Variants in CDH12 observed in about 807,000 individuals in gnomAD.
The protein encoded by CDH12 is cadherin-12.
A neutral mutation model predicts 74.1 loss-of-function variants in CDH12; 41 were observed. That is an observed-to-expected ratio of 0.55 (90% CI 0.43 to 0.72). The LOEUF (loss-of-function observed/expected upper bound fraction) is 0.72, where lower values mean the gene tolerates loss of function less well. Among genes scored for constraint, CDH12 ranks in the 30% least tolerant of loss-of-function variants. CDH12 has a pLI of 0.00. For synonymous variants in CDH12, 399 were observed against 355.0 expected (o/e 1.12, Z -1.39); for missense variants, 945 against 977.2 (o/e 0.97, Z 0.44).
chr5:22,329,361 G>A (rs1307007976), intron 3 of CDH12, among the ~76,000 whole-genome samples: 2 of 152,128 alleles, frequency 1.3e-5, no homozygotes, highest in African/African-American at 2.4e-5. Context: ...AAGCTACAAT[G>A]CTTCTTGAGT....
chr5:21,901,596 T>C (rs1029272565), intron 6 of CDH12, among the ~76,000 whole-genome samples: 14 of 152,196 alleles, frequency 9.2e-5, no homozygotes, highest in Non-Finnish European at 1.8e-4. Context: ...CATAATAAAA[T>C]TCCTGATTCG....
At chr5:22,297,575 C>T (rs1461160208) in intron 3 of CDH12, among the ~76,000 whole-genome samples, 1 of 152,130 alleles carries the variant, frequency 6.6e-6, no homozygotes, top group South Asian at 2.1e-4. Context: ...AAATACTTTC[C>T]TTGTATCTTC....
At chr5:22,744,075 G>A (rs1745169198) in intron 1 of CDH12, among the ~76,000 whole-genome samples, 1 of 152,008 alleles carries the variant, frequency 6.6e-6, no homozygotes, top group South Asian at 2.1e-4. Context: ...TCCTAACACA[G>A]GCATTATAGA....
rs147446542 is a variant in CDH12, at chr5:22,182,439, T to C, written c.-187+30059A>G. Among the ~76,000 whole-genome samples, 593 of 152,308 alleles carry C rather than the reference T, an allele frequency of 3.9e-3. 3 individuals carry two copies. Among genetic ancestry groups the C allele is most frequent in the Non-Finnish European group, 6.2e-3 (425 of 68,020 alleles). ...GAGGATTGCATCAGTGTTACCATTGTTTGTTCAGCACCTAGTTTGGTAGAT... is the reference window on the plus strand; with the variant it reads ...GAGGATTGCATCAGTGTTACCATTGCTTGTTCAGCACCTAGTTTGGTAGAT... On this transcript the variant is annotated intron_variant, in intron 4 of 14. Coordinates refer to ENST00000382254, the MANE Select transcript of CDH12 (RefSeq NM_004061.5).
chr5:22,705,597 C>T (rs1742964785), intron 1 of CDH12, among the ~76,000 whole-genome samples: 1 of 151,296 alleles, frequency 6.6e-6, no homozygotes, highest in Non-Finnish European at 1.5e-5. Context: ...ATTATTAAAA[C>T]CCTTACAATA....
At chr5:22,153,343 A>AC (rs749081455) in intron 4 of CDH12, among the ~76,000 whole-genome samples, 3 of 148,904 alleles carry the variant, frequency 2.0e-5, no homozygotes, top group Non-Finnish European at 3.0e-5. Context: ...CATTTTTAAG[A>AC]CCCCCCTCCC....
chr5:22,040,149 T>C (rs1207291940), intron 5 of CDH12, among the ~76,000 whole-genome samples: 1 of 150,904 alleles, frequency 6.6e-6, no homozygotes, highest in African/African-American at 2.4e-5. Flanking sequence ...ATCTTGAAGC[T>C]AATTCAACAA....
intron 6 of CDH12, among the ~76,000 whole-genome samples, chr5:21,948,859 G>A (rs1274313357): frequency 2.0e-5 from 3 of 152,112 alleles, no homozygotes; most frequent in Non-Finnish European, 4.4e-5. Context: ...TTATGATAGT[G>A]AGTGAGTTCT....
At chr5:22,534,673 G>T (rs534612892) in intron 1 of CDH12, among the ~76,000 whole-genome samples, 3 of 152,094 alleles carry the variant, frequency 2.0e-5, no homozygotes, top group African/African-American at 7.2e-5. Context: ...GGCAACAGGG[G>T]AGAGGGGAGA....
chr5:22,740,470 G>T (rs551407233), intron 1 of CDH12, among the ~76,000 whole-genome samples: 96 of 151,844 alleles, frequency 6.3e-4, no homozygotes, highest in Admixed American at 2.6e-3. Context: ...GAGTTAAAAG[G>T]CTACTGCTTA....
At chr5:22,218,616 G>C (rs569477527) in intron 3 of CDH12, among the ~76,000 whole-genome samples, 1 of 151,798 alleles carries the variant, frequency 6.6e-6, no homozygotes, top group South Asian at 2.1e-4. Flanking sequence ...GAAAACCCTT[G>C]GGACAATGGA....
At chr5:22,373,821 G>T (rs1741401190) in intron 3 of CDH12, among the ~76,000 whole-genome samples, 1 of 152,132 alleles carries the variant, frequency 6.6e-6, no homozygotes, top group Admixed American at 6.6e-5. Context: ...TCAAAAGGTT[G>T]GAAGAAGTGA....
intron 1 of CDH12, among the ~76,000 whole-genome samples, chr5:22,678,022 C>T (rs1741292152): frequency 7.2e-6 from 1 of 138,882 alleles, no homozygotes; most frequent in East Asian, 2.1e-4. Context: ...TACCAGAAGG[C>T]TCACCTCCTA....
At chr5:22,275,877 G>A (rs913339995) in intron 3 of CDH12, among the ~76,000 whole-genome samples, 9 of 152,062 alleles carry the variant, frequency 5.9e-5, no homozygotes, top group Non-Finnish European at 1.2e-4. Flanking sequence ...CTAGTTCTTT[G>A]CCCAATTGGT....
chr5:21,788,299 C>T (rs1330165695), intron 10 of CDH12, among the ~76,000 whole-genome samples: 1 of 151,996 alleles, frequency 6.6e-6, no homozygotes, highest in East Asian at 1.9e-4. Context: ...GGAAATCATC[C>T]AAGAGGAGGT....
At chr5:22,746,805 G>A (rs973033881) in intron 1 of CDH12, among the ~76,000 whole-genome samples, 1 of 152,086 alleles carries the variant, frequency 6.6e-6, no homozygotes, top group South Asian at 2.1e-4. Flanking sequence ...GCTTAAAGAA[G>A]AATATTTAGC....
At chr5:22,490,491 G>A (rs1368538810) in intron 2 of CDH12, among the ~76,000 whole-genome samples, 3 of 150,458 alleles carry the variant, frequency 2.0e-5, no homozygotes, top group African/African-American at 7.3e-5. Context: ...GGAGAATTGA[G>A]AAAGAGAAAG....
rs574854557 is a variant in CDH12 at position 22,469,257 on chromosome 5, T to C, written c.-428+36013A>G. On this transcript the variant is annotated intron_variant, in intron 2 of 14. Transcript: ENST00000382254. ...TTGTTTATGTTTGCTAGGACTGCCA[T>C]AGAAAGTAGAATAAACTAAGTGACT... is the stretch of plus-strand genomic sequence containing the variant. 1.1e-4 allele frequency among the ~76,000 whole-genome samples: 16 copies of C among 152,318 alleles called. 1 individual carries two copies. In the South Asian group the frequency reaches 2.7e-3, roughly 26 times the overall value.
At position 22,749,695 on chromosome 5, in the gene CDH12, A is replaced by T. The variant is rs565805569; in HGVS notation, c.-523+103363T>A. Among the ~76,000 whole-genome samples, 5 of 152,268 alleles carry T rather than the reference A, an allele frequency of 3.3e-5. No individual in the cohort carries two copies. In the East Asian group the frequency reaches 9.7e-4, roughly 29 times the overall value. The stretch of plus-strand genomic sequence containing the variant: ...CTATTTTTTCTATGAACACAGAGTG[A>T]TTGCTTCATTCTGTGTTCAGAGAAG... On this transcript the variant is annotated intron_variant, in intron 1 of 14. Coordinates refer to ENST00000382254, the MANE Select transcript of CDH12 (RefSeq NM_004061.5).
Sources: gnomAD v4.1 joint callset for allele counts (sites outside exome capture counted in the v4.1 genomes callset) on GRCh38, gnomAD v4.1.1 for gene constraint, MANE v1.5 for transcripts, NCBI Gene and HGNC (gene_info 2026-07-23, HGNC 2026-07-21) for gene names.